Variants in BMPER observed in about 807,000 individuals in gnomAD.
BMPER encodes BMP-binding endothelial regulator protein.
A neutral mutation model predicts 87.3 loss-of-function variants in BMPER; 45 were observed. The ratio of observed to expected loss-of-function variants is 0.52; its 90% CI spans 0.41 to 0.66. The LOEUF is 0.66. Among genes scored for constraint, BMPER ranks in the 30% least tolerant of loss-of-function variants. The pLI is 0.00. For missense variants in BMPER, 784 were observed against 867.5 expected (o/e 0.90, Z 1.21); for synonymous variants, 326 against 316.2 (o/e 1.03, Z -0.33).
chr7:34,146,780 G>T (rs9638899), intron 14 of BMPER, among the ~76,000 whole-genome samples: 113,535 of 152,054 alleles, frequency 0.75, 43,090 homozygotes, highest in East Asian at 0.91. Flanking sequence ...AGAACACAGA[G>T]ACCCAAGAGC....
At chr7:34,093,100 G>C (rs996497285) in intron 13 of BMPER, among the ~76,000 whole-genome samples, 1 of 152,076 alleles carries the variant, frequency 6.6e-6, no homozygotes, top group Non-Finnish European at 1.5e-5. Flanking sequence ...GAACTCAAGT[G>C]GTAATACTCA....
intron 13 of BMPER, among the ~76,000 whole-genome samples, chr7:34,097,323 GGGTGT>G (rs989595092): frequency 7.9e-5 from 12 of 152,176 alleles, no homozygotes; most frequent in Non-Finnish European, 1.6e-4. Context: ...ATAGACTTCA[GGGTGT>G]GTGGACAGGA....
chr7:33,987,890 T>C (rs1051445646), intron 6 of BMPER, among the ~76,000 whole-genome samples: 4 of 152,228 alleles, frequency 2.6e-5, no homozygotes, highest in African/African-American at 9.6e-5. Context: ...CATGCCATTC[T>C]CTTTAGGCAA....
At chr7:34,097,917 T>C (rs6948894) in intron 13 of BMPER, among the ~76,000 whole-genome samples, 42,507 of 152,020 alleles carry the variant, frequency 0.28, 6,341 homozygotes, top group African/African-American at 0.33. Context: ...GCTAATCTTA[T>C]GCACACCTAG....
At chr7:33,926,675 G>A (rs1425456304) in intron 2 of BMPER, among the ~76,000 whole-genome samples, 1 of 152,174 alleles carries the variant, frequency 6.6e-6, no homozygotes, top group Non-Finnish European at 1.5e-5. Flanking sequence ...TGTGATCCTT[G>A]GGAAAGCTTT....
At position 34,156,067 on chromosome 7, in the gene BMPER, T is replaced by A. The variant is rs917548449; in HGVS notation, c.*2794T>A. Among the ~76,000 whole-genome samples the A allele has an allele frequency of 6.6e-6, 1 of 152,180 alleles. No individual in the cohort carries two copies. The highest frequency in any genetic ancestry group is 1.5e-5 in the Non-Finnish European group (1 of 68,028). On this transcript the variant is annotated 3_prime_UTR_variant, in exon 15 of 15. Coordinates refer to ENST00000649409, the MANE Select transcript of BMPER (RefSeq NM_001365308.1). The stretch of plus-strand genomic sequence containing the variant: ...TGGCATCGACAAGAGCAATTTTTGT[T>A]AAAACTGTGGTACACTAAGAATCAC...
chr7:33,904,990 G>A (rs1315333751), upstream of BMPER: 1 of 154,144 alleles, frequency 6.5e-6, no homozygotes, highest in Non-Finnish European at 1.4e-5. This position sits in a 1 kb window ranked among gnomAD's most constrained non-coding sequence, Gnocchi z 5.4. Flanking sequence ...GGAACTGGAA[G>A]CTGGGCCGAG....
intron 14 of BMPER, among the ~76,000 whole-genome samples, chr7:34,145,989 T>A (rs191651315): frequency 3.3e-4 from 50 of 152,156 alleles, no homozygotes; most frequent in Middle Eastern, 3.4e-3. Context: ...TCAAATGAAG[T>A]TCAGTGGGAG....
At chr7:34,041,051 G>A (rs1006961715) in intron 6 of BMPER, among the ~76,000 whole-genome samples, 3 of 152,154 alleles carry the variant, frequency 2.0e-5, no homozygotes, top group African/African-American at 4.8e-5. Flanking sequence ...TCTGGCCATC[G>A]CTTTGATTAT....
intron 6 of BMPER, among the ~76,000 whole-genome samples, chr7:34,034,036 G>C (rs1787599470): frequency 6.6e-6 from 1 of 152,104 alleles, no homozygotes; most frequent in African/African-American, 2.4e-5. Context: ...AGTTAAGCAT[G>C]TTGTCACAGT....
intron 6 of BMPER, among the ~76,000 whole-genome samples, chr7:34,016,009 TGA>T (rs369910321): frequency 4.6e-4 from 65 of 141,964 alleles, no homozygotes; most frequent in African/African-American, 4.6e-4. Flanking sequence ...AGAGAGAGAG[TGA>T]GAGAGAGAGA....
In BMPER at chr7:34,150,672, C is replaced by A. The variant is rs1157056287; in HGVS notation, c.1877-2420C>A. ...AAAGTCAAAAGATTATCACAGAAGC[C>A]TAAATTGAGAGACTTAAAGGAAGGG... On this transcript the variant is annotated intron_variant, in intron 14 of 14. Coordinates refer to ENST00000649409, the MANE Select transcript of BMPER (RefSeq NM_001365308.1). Among the ~76,000 whole-genome samples the A allele has an allele frequency of 2.0e-5, 3 of 152,064 alleles. No homozygotes were observed. In the East Asian group the frequency reaches 5.8e-4, roughly 29 times the overall value.
At chr7:33,972,701 G>A (rs1785580362) in intron 5 of BMPER, among the ~76,000 whole-genome samples, 1 of 152,188 alleles carries the variant, frequency 6.6e-6, no homozygotes, top group African/African-American at 2.4e-5. Flanking sequence ...AGAAGCTTAG[G>A]TCCAGGTGTT....
intron 6 of BMPER, among the ~76,000 whole-genome samples, chr7:34,032,443 G>A (rs1380594469): frequency 2.0e-5 from 3 of 152,076 alleles, no homozygotes; most frequent in Non-Finnish European, 4.4e-5. Flanking sequence ...TATAAGTTCC[G>A]CATGCATGGA....
In BMPER at chr7:34,153,200, G is replaced by T; in HGVS notation, c.1985G>T (p.Gly662Val). The T allele has an allele frequency of 6.2e-7, 1 of 1,614,056 alleles. No individual in the cohort carries two copies. The highest frequency in any genetic ancestry group is 1.1e-5 in the South Asian group (1 of 91,078). The stretch of plus-strand genomic sequence containing the variant: ...CCATGCAACAAGCCGTGCGTTGCTG[G>T]GTGCCACTGTCCAGCAAACTTGGTC... ...IGPCNKPCVA[G>V]CHCPANLVLH... The change falls in exon 15 of 15, where the codon GGG becomes GTG. Residue 662 changes from glycine to valine, a missense_variant. Coordinates refer to ENST00000649409, the MANE Select transcript of BMPER (RefSeq NM_001365308.1).
intron 6 of BMPER, among the ~76,000 whole-genome samples, chr7:33,992,185 T>C (rs1786241257): frequency 1.4e-5 from 2 of 146,002 alleles, no homozygotes; most frequent in Admixed American, 1.4e-4. Flanking sequence ...TGACTTTCTG[T>C]CTCGTTGATC....
chr7:33,918,757 A>G (rs1326273942), intron 2 of BMPER, among the ~76,000 whole-genome samples: 1 of 152,214 alleles, frequency 6.6e-6, no homozygotes, highest in Admixed American at 6.5e-5. Flanking sequence ...GTTTTCAAGC[A>G]CATGTGAAAC....
At chr7:34,064,697 A>G (rs1788532796) in intron 11 of BMPER, among the ~76,000 whole-genome samples, 1 of 152,324 alleles carries the variant, frequency 6.6e-6, no homozygotes, top group East Asian at 1.9e-4. Flanking sequence ...GGGCCCAGGC[A>G]TGTGGTTCTC....
intron 6 of BMPER, among the ~76,000 whole-genome samples, chr7:33,996,966 G>A (rs1786430780): frequency 6.6e-6 from 1 of 152,088 alleles, no homozygotes; most frequent in Non-Finnish European, 1.5e-5. Context: ...CATGTGGCTG[G>A]TGGCTACCAT....
Sources: gnomAD v4.1 joint callset for allele counts (sites outside exome capture counted in the v4.1 genomes callset) on GRCh38, gnomAD v4.1.1 for gene constraint, Gnocchi (gnomAD v3.1) non-coding constraint, MANE v1.5 for transcripts, NCBI Gene and HGNC (gene_info 2026-07-23, HGNC 2026-07-21) for gene names.